GABRB1: variants seen among roughly 807,000 people sequenced by gnomAD.
GABRB1 encodes the protein gamma-aminobutyric acid type A receptor subunit beta1.
A neutral mutation model predicts 51.6 loss-of-function variants in GABRB1; 17 were observed. The ratio of observed to expected loss-of-function variants is 0.33; its 90% CI spans 0.23 to 0.49. GABRB1 has a LOEUF of 0.49. Among genes scored for constraint, GABRB1 ranks in the 20% least tolerant of loss-of-function variants. GABRB1 has a pLI of 0.99. For synonymous variants in GABRB1, 247 were observed against 218.9 expected (o/e 1.13, Z -1.14); for missense variants, 410 against 600.6 (o/e 0.68, Z 3.32).
intron 3 of GABRB1, among the ~76,000 whole-genome samples, chr4:47,134,570 T>C (rs1716559346): frequency 6.6e-6 from 1 of 152,214 alleles, no homozygotes; most frequent in Admixed American, 6.6e-5. Context: ...ACAATTGTAT[T>C]AGATTATTTT....
rs1298900974 is a variant in GABRB1 at position 47,031,726 on chromosome 4, A to G, written c.75A>G (p.Ala25=). The G allele has an allele frequency of 1.5e-5, 24 of 1,612,976 alleles. No individual in the cohort carries two copies. Among genetic ancestry groups the G allele is most frequent in the Non-Finnish European group, 2.0e-5 (24 of 1,179,194 alleles). The change falls in exon 1 of 9, where the codon GCA becomes GCG. Residue 25 remains alanine (A), a synonymous_variant. Coordinates refer to ENST00000295454, the MANE Select transcript of GABRB1 (RefSeq NM_000812.4). ...FPVMITMVCC[A]HSTNEPSNMS... ...TGATGATTACCATGGTCTGTTGTGC[A>G]CACAGGTGAGCTGCTGTTGTTGAAT...
At chr4:47,093,222 G>T (rs1454322376) in intron 3 of GABRB1, among the ~76,000 whole-genome samples, 1 of 152,174 alleles carries the variant, frequency 6.6e-6, no homozygotes, top group African/African-American at 2.4e-5. Context: ...TTAGATGCGT[G>T]TGACTAACCA....
chr4:47,030,001 CT>C (rs974067992), upstream of GABRB1, among the ~76,000 whole-genome samples: 1 of 151,976 alleles, frequency 6.6e-6, no homozygotes, highest in African/African-American at 2.4e-5. Flanking sequence ...GTTTTCTTGG[CT>C]TTTATTTACC....
chr4:47,285,566 A>C (rs1372791434), intron 4 of GABRB1, among the ~76,000 whole-genome samples: 1 of 152,116 alleles, frequency 6.6e-6, no homozygotes, highest in Non-Finnish European at 1.5e-5. Context: ...CTTGTTCTTT[A>C]CTTCCAGGGC....
chr4:47,016,964 C>T (rs1329716793), intron 1 of GABRB1, among the ~76,000 whole-genome samples: 1 of 152,070 alleles, frequency 6.6e-6, no homozygotes, highest in East Asian at 1.9e-4. Flanking sequence ...GAACTAGGTG[C>T]TAAAATATCC....
chr4:47,388,087 C>G (rs1727864420), intron 5 of GABRB1, among the ~76,000 whole-genome samples: 1 of 152,090 alleles, frequency 6.6e-6, no homozygotes, highest in Admixed American at 6.6e-5. Flanking sequence ...ACAAATTAAT[C>G]AAGGGTCTTA....
intron 4 of GABRB1, among the ~76,000 whole-genome samples, chr4:47,230,654 G>A (rs572674333): frequency 1.3e-5 from 2 of 152,244 alleles, no homozygotes; most frequent in Admixed American, 1.3e-4. Flanking sequence ...TTTCTCTTAT[G>A]GATCTCTATC....
At chr4:47,320,483 C>T (rs1477211119) in intron 5 of GABRB1, among the ~76,000 whole-genome samples, 1 of 152,174 alleles carries the variant, frequency 6.6e-6, no homozygotes, top group Non-Finnish European at 1.5e-5. Context: ...AATATCCAAG[C>T]TGCATTAAAA....
At chr4:47,370,087 C>A (rs977488274) in intron 5 of GABRB1, among the ~76,000 whole-genome samples, 5 of 152,094 alleles carry the variant, frequency 3.3e-5, no homozygotes, top group Non-Finnish European at 7.3e-5. Flanking sequence ...CAGAAAGAGA[C>A]ACACACAAAC....
At chr4:47,395,827 A>C (rs1408259062) in intron 5 of GABRB1, among the ~76,000 whole-genome samples, 1 of 152,152 alleles carries the variant, frequency 6.6e-6, no homozygotes, top group South Asian at 2.1e-4. Flanking sequence ...TCATACACCT[A>C]CAAGTATATG....
intron 5 of GABRB1, among the ~76,000 whole-genome samples, chr4:47,320,770 C>CT (rs11313211): frequency 4.0e-4 from 42 of 105,004 alleles, no homozygotes; most frequent in African/African-American, 8.1e-4. Context: ...TTTCTTTTTT[C>CT]TTTTTTTTTT....
chr4:47,094,937 G>T (rs1438476528), intron 3 of GABRB1, among the ~76,000 whole-genome samples: 2 of 152,042 alleles, frequency 1.3e-5, no homozygotes, highest in East Asian at 3.9e-4. Flanking sequence ...AAGTATACCT[G>T]CTAGGACTCA....
chr4:47,419,835 G>T (rs1204210656), intron 8 of GABRB1, among the ~76,000 whole-genome samples: 1 of 152,178 alleles, frequency 6.6e-6, no homozygotes, highest in African/African-American at 2.4e-5. Flanking sequence ...AATAAGGAGT[G>T]GGGTGAGAGT....
At chr4:47,380,867 A>T (rs922546514) in intron 5 of GABRB1, among the ~76,000 whole-genome samples, 1 of 152,316 alleles carries the variant, frequency 6.6e-6, no homozygotes, top group South Asian at 2.1e-4. Context: ...AGATATATGA[A>T]AATTCATTCT....
At chr4:47,334,249 A>ATAAT (rs1418368111) in intron 5 of GABRB1, among the ~76,000 whole-genome samples, 6 of 152,158 alleles carry the variant, frequency 3.9e-5, no homozygotes, top group African/African-American at 1.4e-4. Flanking sequence ...AAATAAATAA[A>ATAAT]TAATAATTTT....
intron 4 of GABRB1, among the ~76,000 whole-genome samples, chr4:47,295,531 A>G (rs910612125): frequency 6.6e-6 from 1 of 152,214 alleles, no homozygotes; most frequent in African/African-American, 2.4e-5. Context: ...AAATGAATGA[A>G]ATGAAGCGAG....
intron 3 of GABRB1, among the ~76,000 whole-genome samples, chr4:47,087,305 G>C (rs780852048): frequency 6.6e-6 from 1 of 151,838 alleles, no homozygotes; most frequent in African/African-American, 2.4e-5. Context: ...AATGTTAACC[G>C]TGAATTATAT....
chr4:47,010,061 C>T (rs1724540158), intron 1 of GABRB1, among the ~76,000 whole-genome samples: 1 of 152,196 alleles, frequency 6.6e-6, no homozygotes, highest in South Asian at 2.1e-4. Flanking sequence ...CTTCTGCTCA[C>T]CTCTGGATAA....
intron 3 of GABRB1, among the ~76,000 whole-genome samples, chr4:47,058,231 T>C (rs537635880): frequency 4.0e-4 from 61 of 152,272 alleles, no homozygotes; most frequent in African/African-American, 1.4e-3. Flanking sequence ...GGTCGGTCCA[T>C]CATCATTCAA....
Sources: allele counts gnomAD v4.1 joint callset (sites outside exome capture counted in the v4.1 genomes callset), GRCh38; gene constraint gnomAD v4.1.1; transcripts MANE v1.5; gene names NCBI Gene and HGNC (gene_info 2026-07-23, HGNC 2026-07-21).